Variants in INSYN2A observed in about 807,000 individuals in gnomAD.
INSYN2A encodes inhibitory synaptic factor 2A, also known as family with sequence similarity 196 member A.
Under a neutral mutation model 39.4 loss-of-function variants are expected in INSYN2A, and 17 were observed. The observed-to-expected ratio is 0.43, with a 90% CI of 0.30 to 0.65. INSYN2A has a LOEUF of 0.65. INSYN2A is among the 30% of genes least tolerant of loss of function. The pLI is 0.14. For missense variants in INSYN2A, 595 were observed against 631.2 expected, an observed-to-expected ratio of 0.94 and a Z score of 0.61; for synonymous variants, 255 against 265.7, an observed-to-expected ratio of 0.96 and a Z score of 0.39.
At chr10:127,162,976 C>T (rs541468506) in intron 4 of INSYN2A, among the ~76,000 whole-genome samples, 2 of 152,304 alleles carry the variant, frequency 1.3e-5, no homozygotes, top group South Asian at 4.1e-4. Flanking sequence ...GCACTCCTTC[C>T]ATGGGACTGT....
intron 5 of INSYN2A, among the ~76,000 whole-genome samples, chr10:127,144,195 T>C (rs1452456320): frequency 6.6e-6 from 1 of 152,142 alleles, no homozygotes; most frequent in Non-Finnish European, 1.5e-5. Context: ...AGAGTCACCT[T>C]AGGAAAACTG....
intron 1 of INSYN2A, 36 bp from the exon 2 acceptor site, chr10:127,192,766 T>A (rs545654279): frequency 5.9e-5 from 9 of 152,306 alleles, no homozygotes; most frequent in African/African-American, 2.2e-4. Flanking sequence ...GGTCCAAAGG[T>A]TCAAACCTAT....
At chr10:127,185,094 A>G (rs945458235) in intron 2 of INSYN2A, among the ~76,000 whole-genome samples, 1 of 152,190 alleles carries the variant, frequency 6.6e-6, no homozygotes, top group Admixed American at 6.5e-5. Flanking sequence ...GAGATGTGCA[A>G]GAGCAGGCCT....
intron 2 of INSYN2A, among the ~76,000 whole-genome samples, chr10:127,188,590 T>C (rs2489382): frequency 0.26 from 39,982 of 151,994 alleles, 5,638 homozygotes; most frequent in East Asian, 0.54. Flanking sequence ...CATGCTACCA[T>C]GGTTTGCTAA....
chr10:127,176,390 G>T lies in INSYN2A; in HGVS notation c.6C>A (p.Val2=). 1 of 1,601,856 alleles carries T rather than the reference G, an allele frequency of 6.2e-7. No homozygotes were observed. The highest frequency in any genetic ancestry group is 1.1e-5 in the South Asian group (1 of 89,754). The change falls in exon 4 of 6, where the codon GTC becomes GTA. Residue 2 remains valine, a synonymous_variant. Transcript: ENST00000522781. The surrounding 1 kb of genome is among the most constrained non-coding windows in gnomAD (Gnocchi z 4.4). M[V]SKDTGKCILT... ...GTATGCATTTGCCGGTGTCCTTACTGACCATGGTTCCTGCATTCAGAAACA... is the reference window on the plus strand; with the variant it reads ...GTATGCATTTGCCGGTGTCCTTACTTACCATGGTTCCTGCATTCAGAAACA...
rs762779861 is a variant in INSYN2A at position 127,176,102 on chromosome 10, G to A, written c.294C>T (p.Asn98=). ...MTVPARRSIP[N]VTKSTGVQTS... ...TCTGCACGCCTGTGCTCTTGGTGAC[G>A]TTGGGGATGGACCTGCGTGCGGGCA... is the stretch of plus-strand genomic sequence containing the variant. The change falls in exon 4 of 6, where the codon AAC becomes AAT. Residue 98 remains asparagine (N), a synonymous_variant. Transcript: ENST00000522781. The surrounding 1 kb of genome is among the most constrained non-coding windows in gnomAD (Gnocchi z 4.4). The A allele has an allele frequency of 7.4e-6, 12 of 1,614,048 alleles. No individual in the cohort carries two copies. The highest frequency in any genetic ancestry group is 9.3e-6 in the Non-Finnish European group (11 of 1,180,050).
chr10:127,163,480 A>C (rs1304025877), intron 4 of INSYN2A, among the ~76,000 whole-genome samples: 1 of 152,134 alleles, frequency 6.6e-6, no homozygotes, highest in African/African-American at 2.4e-5. Flanking sequence ...TCAGGGCCAG[A>C]AGTAGAGTAG....
At chr10:127,153,946 C>T in intron 4 of INSYN2A, 23 bp from the exon 5 acceptor site, 1 of 1,600,642 alleles carries the variant, frequency 6.2e-7, no homozygotes, top group Non-Finnish European at 8.6e-7. Flanking sequence ...AACAGGAGAG[C>T]ATTACAAGCG....
intron 5 of INSYN2A, among the ~76,000 whole-genome samples, chr10:127,141,971 G>A (rs1402775023): frequency 1.3e-5 from 2 of 152,184 alleles, no homozygotes; most frequent in South Asian, 4.1e-4. Flanking sequence ...CCTCCTTTCC[G>A]TCTTCTAGGA....
chr10:127,179,375 A>T (rs576836150), intron 2 of INSYN2A, among the ~76,000 whole-genome samples: 1 of 152,344 alleles, frequency 6.6e-6, no homozygotes, highest in South Asian at 2.1e-4. Flanking sequence ...TGTTAGTAAA[A>T]AAATGATGGT....
intron 5 of INSYN2A, among the ~76,000 whole-genome samples, chr10:127,153,134 T>G (rs756178776): frequency 2.0e-5 from 3 of 152,216 alleles, no homozygotes; most frequent in Non-Finnish European, 2.9e-5. Flanking sequence ...AAGAACTTAC[T>G]CATAACATTT....
In INSYN2A at chr10:127,135,528, G is replaced by C. The variant is rs1219351079; in HGVS notation, c.*2309C>G. The C allele has an allele frequency of 6.6e-6, 1 of 152,564 alleles. No homozygotes were observed. Among genetic ancestry groups the C allele is most frequent in the Non-Finnish European group, 1.5e-5 (1 of 68,030 alleles). 9.5% of individuals were successfully genotyped at this position (152,564 alleles called of 1,614,324 possible). On this transcript the variant is annotated 3_prime_UTR_variant, in exon 6 of 6. Transcript: ENST00000522781. ...ATGCCATGTGTACATCTACATAAGG[G>C]AACCCTGTGCGTTTTACCTTGCTTT...
chr10:127,195,986 G>T lies in INSYN2A; in HGVS notation c.-395+11C>A, dbSNP rs2057110396. On this transcript the variant is annotated intron_variant, in intron 1 of 5. Coordinates refer to ENST00000522781, the MANE Select transcript of INSYN2A (RefSeq NM_001039762.3). ...GGGGCGCGGGAGGAGGGCACGCGGG[G>T]CTCCGCTTACCTTCCGCTGCTTACA... The T allele has an allele frequency of 1.3e-5, 2 of 152,202 alleles. No individual in the cohort carries two copies. Among genetic ancestry groups the T allele is most frequent in the African/African-American group, 4.8e-5 (2 of 41,444 alleles). The allele number at this position is 152,202 out of a possible 1,614,324, so 9.4% of individuals were successfully genotyped here.
chr10:127,181,160 G>A (rs764123607), intron 2 of INSYN2A, among the ~76,000 whole-genome samples: 50 of 152,314 alleles, frequency 3.3e-4, no homozygotes, highest in Non-Finnish European at 5.6e-4. Context: ...TGAATTTCAA[G>A]TGTGTATATG....
rs556843445 is a variant in INSYN2A, at chr10:127,176,568, G to A, written c.-5-168C>T. Among the ~76,000 whole-genome samples the A allele has an allele frequency of 1.3e-5, 2 of 152,332 alleles. No homozygotes were observed. Among genetic ancestry groups the A allele is most frequent in the African/African-American group, 4.8e-5 (2 of 41,572 alleles). The stretch of plus-strand genomic sequence containing the variant: ...AAATCACACGGGCTGAGAGTCGCTG[G>A]CAGCACAGCTTGAAATGCTTCTCAG... On this transcript the variant is annotated intron_variant, in intron 3 of 5. Transcript: ENST00000522781. The surrounding 1 kb of genome is among the most constrained non-coding windows in gnomAD (Gnocchi z 4.4).
intron 1 of INSYN2A, among the ~76,000 whole-genome samples, chr10:127,194,260 G>A (rs369583516): frequency 1.3e-5 from 2 of 152,160 alleles, no homozygotes; most frequent in African/African-American, 4.8e-5. Context: ...AACCAAATGC[G>A]CCTCTAATAA....
chr10:127,195,047 C>G (rs546008619), intron 1 of INSYN2A, among the ~76,000 whole-genome samples: 2 of 152,192 alleles, frequency 1.3e-5, no homozygotes, highest in Non-Finnish European at 2.9e-5. Flanking sequence ...ACTCCAGAGG[C>G]ACCTCTCCTC....
At position 127,138,181 on chromosome 10, in the gene INSYN2A, C is replaced by T. The variant is rs10829468; in HGVS notation, c.1257-161G>A. On this transcript the variant is annotated intron_variant, in intron 5 of 5. Coordinates refer to ENST00000522781, the MANE Select transcript of INSYN2A (RefSeq NM_001039762.3). ...ATACTATGTTTTAGCTCTGTGCTCC[C>T]GTGAAATAGTTCAAGGAGGCTCACT... Among the ~76,000 whole-genome samples the T allele has an allele frequency of 6.5e-3, 996 of 152,264 alleles. 4 individuals are homozygous for T. Among genetic ancestry groups the T allele is most frequent in the Admixed American group, 0.012 (176 of 15,290 alleles).
chr10:127,191,332 T>C (rs1463001302), intron 2 of INSYN2A, among the ~76,000 whole-genome samples: 1 of 152,142 alleles, frequency 6.6e-6, no homozygotes, highest in Non-Finnish European at 1.5e-5. Context: ...ACCTTACACA[T>C]TGCCTTGGCC....
Sources: allele counts gnomAD v4.1 joint callset (sites outside exome capture counted in the v4.1 genomes callset), GRCh38; gene constraint gnomAD v4.1.1; non-coding constraint Gnocchi (gnomAD v3.1); transcripts MANE v1.5; gene names NCBI Gene and HGNC (gene_info 2026-07-23, HGNC 2026-07-21).